EYA1: variants seen among roughly 807,000 people sequenced by gnomAD.
The protein encoded by EYA1 is EYA transcriptional coactivator and phosphatase 1.
EYA1 carries 16 observed loss-of-function variants against 82.0 expected under a neutral mutation model. The observed-to-expected ratio is 0.20, with a 90% CI of 0.13 to 0.30. EYA1 has a LOEUF of 0.30. Among genes scored for constraint, EYA1 ranks in the 10% least tolerant of loss-of-function variants. The pLI is 1.00. For synonymous variants in EYA1, 261 were observed against 264.4 expected (o/e 0.99, Z 0.12); for missense variants, 633 against 730.7 (o/e 0.87, Z 1.54).
intron 2 of EYA1, among the ~76,000 whole-genome samples, chr8:71,413,781 C>T (rs1172289257): frequency 6.6e-6 from 1 of 152,122 alleles, no homozygotes; most frequent in African/African-American, 2.4e-5. Flanking sequence ...TGTTTCTGTC[C>T]TCTTTGGTTA....
intron 9 of EYA1, among the ~76,000 whole-genome samples, chr8:71,285,604 A>G (rs1355354055): frequency 6.6e-6 from 1 of 152,234 alleles, no homozygotes; most frequent in Non-Finnish European, 1.5e-5. Flanking sequence ...GAGCAAAGAG[A>G]AGAAATGATA....
At chr8:71,447,847 C>G (rs1231111351) in intron 2 of EYA1, among the ~76,000 whole-genome samples, 1 of 151,936 alleles carries the variant, frequency 6.6e-6, no homozygotes. Flanking sequence ...GAAGTCTTGC[C>G]CCAATGTTGA....
chr8:71,433,536 G>A (rs769476930), intron 2 of EYA1, among the ~76,000 whole-genome samples: 1 of 152,192 alleles, frequency 6.6e-6, no homozygotes, highest in African/African-American at 2.4e-5. Flanking sequence ...TTAAATAGTG[G>A]CTCAGGCAAA....
intron 2 of EYA1, among the ~76,000 whole-genome samples, chr8:71,434,570 T>A (rs1455755350): frequency 6.6e-6 from 1 of 151,970 alleles, no homozygotes; most frequent in Non-Finnish European, 1.5e-5. Flanking sequence ...AAGATAGAAG[T>A]CTCCCAAGGA....
At chr8:71,325,897 C>T (rs1014238514) in intron 4 of EYA1, among the ~76,000 whole-genome samples, 3 of 152,120 alleles carry the variant, frequency 2.0e-5, no homozygotes, top group African/African-American at 7.2e-5. Context: ...TGGCATGAAA[C>T]ACTTTAAACT....
upstream of EYA1, among the ~76,000 whole-genome samples, chr8:71,364,686 G>T (rs1179111945): frequency 6.6e-6 from 1 of 151,646 alleles, no homozygotes; most frequent in Non-Finnish European, 1.5e-5. Flanking sequence ...TTTCCAATAT[G>T]CTTTTTCCTC....
At chr8:71,544,200 G>A (rs114825912) in intron 1 of EYA1, among the ~76,000 whole-genome samples, 100 of 152,224 alleles carry the variant, frequency 6.6e-4, no homozygotes, top group African/African-American at 2.3e-3. Context: ...TCAAGAAATC[G>A]GTCTCCCCTC....
At chr8:71,354,162 CAG>C (rs1826603455) in intron 3 of EYA1, among the ~76,000 whole-genome samples, 1 of 151,958 alleles carries the variant, frequency 6.6e-6, no homozygotes, top group Non-Finnish European at 1.5e-5. Flanking sequence ...ATTAATTACA[CAG>C]AAATAATTGT....
intron 2 of EYA1, among the ~76,000 whole-genome samples, chr8:71,494,214 A>G (rs1259503345): frequency 2.0e-5 from 3 of 152,286 alleles, no homozygotes; most frequent in African/African-American, 4.8e-5. Context: ...GAAATTAGAC[A>G]GTGGTTTATT....
chr8:71,509,939 A>T (rs1366418742), intron 2 of EYA1, among the ~76,000 whole-genome samples: 5 of 152,022 alleles, frequency 3.3e-5, no homozygotes, highest in African/African-American at 1.2e-4. Flanking sequence ...TTCAGAAGCA[A>T]AATTTAATGC....
intron 2 of EYA1, chr8:71,448,885 TA>T: frequency 5.9e-6 from 1 of 170,078 alleles, no homozygotes. Context: ...ACTGGGTTCA[TA>T]AAATGGATTC....
intron 6 of EYA1, among the ~76,000 whole-genome samples, chr8:71,319,754 C>T (rs1822324746): frequency 6.6e-6 from 1 of 152,188 alleles, no homozygotes; most frequent in Non-Finnish European, 1.5e-5. Flanking sequence ...TGAGCCTTGA[C>T]TATCAGCAGT....
intron 2 of EYA1, among the ~76,000 whole-genome samples, chr8:71,515,973 T>A (rs1586867649): frequency 6.6e-6 from 1 of 152,306 alleles, no homozygotes; most frequent in East Asian, 1.9e-4. Flanking sequence ...AAACTAAGTA[T>A]ATCCTTACTT....
intron 2 of EYA1, among the ~76,000 whole-genome samples, chr8:71,375,312 G>C (rs1828311260): frequency 6.7e-6 from 1 of 150,320 alleles, no homozygotes; most frequent in Non-Finnish European, 1.5e-5. Context: ...TGCTAGAAGA[G>C]CTTACATATA....
At chr8:71,297,195 CT>C (rs1406607991) in intron 9 of EYA1, among the ~76,000 whole-genome samples, 1 of 152,150 alleles carries the variant, frequency 6.6e-6, no homozygotes, top group East Asian at 1.9e-4. Context: ...ATCATTCACT[CT>C]TAAAACCATG....
intron 2 of EYA1, among the ~76,000 whole-genome samples, chr8:71,425,690 T>C (rs1386545775): frequency 1.3e-5 from 2 of 151,850 alleles, no homozygotes; most frequent in Non-Finnish European, 2.9e-5. Context: ...CTTGAATCCT[T>C]AGTGTGTGTG....
At chr8:71,236,645 T>C (rs1040762423) in intron 12 of EYA1, among the ~76,000 whole-genome samples, 11 of 152,196 alleles carry the variant, frequency 7.2e-5, no homozygotes, top group Admixed American at 5.9e-4. Flanking sequence ...CACTCTACAG[T>C]TGTGTGACCT....
intron 2 of EYA1, among the ~76,000 whole-genome samples, chr8:71,407,430 T>G (rs1830318637): frequency 6.7e-6 from 1 of 148,930 alleles, no homozygotes; most frequent in African/African-American, 2.5e-5. Flanking sequence ...TACTCTGAGC[T>G]ACGGGAGGAC....
At chr8:71,395,355 T>A (rs1829532508) in intron 2 of EYA1, among the ~76,000 whole-genome samples, 1 of 152,232 alleles carries the variant, frequency 6.6e-6, no homozygotes, top group African/African-American at 2.4e-5. Context: ...AGAGAGGGCA[T>A]CCCTGTCTTG....
Sources: gnomAD v4.1 joint callset for allele counts (sites outside exome capture counted in the v4.1 genomes callset) on GRCh38, gnomAD v4.1.1 for gene constraint, MANE v1.5 for transcripts, NCBI Gene and HGNC (gene_info 2026-07-23, HGNC 2026-07-21) for gene names.